The following KHDRBS2 variants were observed in gnomAD, a reference collection of about 807,000 sequenced individuals.
KHDRBS2 encodes KH domain-containing, RNA-binding, signal transduction-associated protein 2.
Under a neutral mutation model 44.3 loss-of-function variants are expected in KHDRBS2, and 26 were observed. The ratio of observed to expected loss-of-function variants is 0.59; its 90% CI spans 0.43 to 0.81. The LOEUF (loss-of-function observed/expected upper bound fraction) is 0.81, where lower values mean the gene tolerates loss of function less well. Ranked by LOEUF, KHDRBS2 falls within the 40% of genes least tolerant of loss-of-function variation. KHDRBS2 has a pLI of 0.00. For synonymous variants in KHDRBS2, 194 were observed against 151.1 expected (o/e 1.28, Z -2.08); for missense variants, 476 against 433.1 (o/e 1.10, Z -0.88).
At chr6:61,748,825 A>G (rs1252327215) in intron 6 of KHDRBS2, among the ~76,000 whole-genome samples, 1 of 152,068 alleles carries the variant, frequency 6.6e-6, no homozygotes, top group Non-Finnish European at 1.5e-5. Context: ...AGTGCTGTCC[A>G]ATAGCTCTTC....
chr6:61,941,567 C>T (rs1433171885), intron 4 of KHDRBS2, among the ~76,000 whole-genome samples: 1 of 152,092 alleles, frequency 6.6e-6, no homozygotes, highest in Non-Finnish European at 1.5e-5. Context: ...CTGATCTAAC[C>T]TGGTGCTGCA....
the KHDRBS2 span, among the ~76,000 whole-genome samples, chr6:61,636,061 C>A: frequency 4.6e-5 from 7 of 151,926 alleles, no homozygotes; most frequent in Non-Finnish European, 8.8e-5. Flanking sequence ...ATACATATTC[C>A]ACAATATTCC....
At chr6:61,905,789 T>A (rs1383406761) in intron 4 of KHDRBS2, among the ~76,000 whole-genome samples, 1 of 151,984 alleles carries the variant, frequency 6.6e-6, no homozygotes, top group East Asian at 1.9e-4. Flanking sequence ...TCAAAACATA[T>A]GTGCCACATT....
At chr6:62,222,458 C>T (rs774683305) in intron 1 of KHDRBS2, among the ~76,000 whole-genome samples, 1 of 152,118 alleles carries the variant, frequency 6.6e-6, no homozygotes, top group Non-Finnish European at 1.5e-5. Flanking sequence ...GCAGAAACCC[C>T]TGATAAAACC....
the KHDRBS2 span, among the ~76,000 whole-genome samples, chr6:61,671,273 ATTC>A: frequency 1.3e-5 from 2 of 151,570 alleles, no homozygotes; most frequent in African/African-American, 4.8e-5. Flanking sequence ...CCTTCACTAT[ATTC>A]CATGGTGAAG....
chr6:61,834,615 C>A (rs1792360333), intron 6 of KHDRBS2, among the ~76,000 whole-genome samples: 1 of 151,998 alleles, frequency 6.6e-6, no homozygotes. Flanking sequence ...ATGCCAAAGT[C>A]CTTAGCTGAT....
the KHDRBS2 span, among the ~76,000 whole-genome samples, chr6:61,660,175 T>A: frequency 6.6e-6 from 1 of 151,838 alleles, no homozygotes; most frequent in East Asian, 1.9e-4. Context: ...AGTTCGTAAC[T>A]GACAGTGAAT....
At chr6:62,144,695 A>C (rs183618336) in intron 2 of KHDRBS2, among the ~76,000 whole-genome samples, 1 of 152,072 alleles carries the variant, frequency 6.6e-6, no homozygotes, top group African/African-American at 2.4e-5. Flanking sequence ...ATAACATCTA[A>C]CCTAACAGCT....
the KHDRBS2 span, chr6:61,652,235 C>A: frequency 6.6e-6 from 1 of 151,934 alleles, no homozygotes; most frequent in African/African-American, 2.4e-5. Context: ...ATTTATTTAA[C>A]AAATATTTAT....
At chr6:62,007,833 T>C (rs1699095354) in intron 3 of KHDRBS2, among the ~76,000 whole-genome samples, 1 of 152,158 alleles carries the variant, frequency 6.6e-6, no homozygotes, top group Admixed American at 6.6e-5. Flanking sequence ...GATATATTTA[T>C]AAAGGCGTAT....
At chr6:61,834,868 A>T (rs1312544738) in intron 6 of KHDRBS2, among the ~76,000 whole-genome samples, 2 of 152,040 alleles carry the variant, frequency 1.3e-5, no homozygotes, top group Non-Finnish European at 2.9e-5. Context: ...TTATTTTAAA[A>T]TTTGGTGTCG....
intron 2 of KHDRBS2, among the ~76,000 whole-genome samples, chr6:62,117,788 T>C (rs1243860700): frequency 1.3e-5 from 2 of 152,142 alleles, no homozygotes; most frequent in African/African-American, 4.8e-5. Context: ...ATTTTATTTT[T>C]TTTTTGAGAT....
chr6:61,899,781 T>C (rs1442597087), intron 5 of KHDRBS2, among the ~76,000 whole-genome samples: 4 of 133,956 alleles, frequency 3.0e-5, no homozygotes, highest in Non-Finnish European at 4.7e-5. Flanking sequence ...GTGTGTGCCC[T>C]CTCTAGGCAT....
At chr6:61,950,878 TCTCA>T (rs1397443727) in intron 4 of KHDRBS2, among the ~76,000 whole-genome samples, 2 of 152,072 alleles carry the variant, frequency 1.3e-5, no homozygotes, top group African/African-American at 4.8e-5. Context: ...TAAATGAGAA[TCTCA>T]CTACTAGTAT....
At chr6:61,861,203 A>ATTCT (rs1480851277) in intron 6 of KHDRBS2, among the ~76,000 whole-genome samples, 12 of 152,132 alleles carry the variant, frequency 7.9e-5, no homozygotes, top group Non-Finnish European at 1.8e-4. Flanking sequence ...GCTGTGCAGA[A>ATTCT]GCTCTTTAGT....
At chr6:61,783,001 C>T (rs1413399531) in intron 6 of KHDRBS2, among the ~76,000 whole-genome samples, 1 of 151,644 alleles carries the variant, frequency 6.6e-6, no homozygotes, top group Admixed American at 6.6e-5. Flanking sequence ...TGGCCCGGTC[C>T]ATAGTTAAGG....
chr6:61,921,529 T>C (rs1009425791), intron 4 of KHDRBS2, among the ~76,000 whole-genome samples: 1 of 152,016 alleles, frequency 6.6e-6, no homozygotes, highest in Non-Finnish European at 1.5e-5. Flanking sequence ...CAATACCTGC[T>C]CAGTATAGGA....
chr6:61,964,641 C>T (rs1192453), intron 4 of KHDRBS2, among the ~76,000 whole-genome samples: 99,934 of 151,988 alleles, frequency 0.66, 33,016 homozygotes, highest in African/African-American at 0.73. Context: ...TAAAGTAACA[C>T]TTGATGAACT....
At chr6:61,867,701 G>A (rs1239950664) in intron 6 of KHDRBS2, among the ~76,000 whole-genome samples, 1 of 152,116 alleles carries the variant, frequency 6.6e-6, no homozygotes, top group Non-Finnish European at 1.5e-5. Flanking sequence ...CTCTTCCATA[G>A]GGCTGCTGCC....
Sources: gnomAD v4.1 joint callset for allele counts (sites outside exome capture counted in the v4.1 genomes callset) on GRCh38, gnomAD v4.1.1 for gene constraint, MANE v1.5 for transcripts, NCBI Gene and HGNC (gene_info 2026-07-23, HGNC 2026-07-21) for gene names.